The following PI4KA variants were observed in gnomAD, a reference collection of about 807,000 sequenced individuals.
PI4KA encodes the protein PI4-kinase alpha.
Under a neutral mutation model 271.4 loss-of-function variants are expected in PI4KA, and 122 were observed. That is an observed-to-expected ratio of 0.45 (90% CI 0.39 to 0.52). The LOEUF (loss-of-function observed/expected upper bound fraction) is 0.52. Ranked by LOEUF, PI4KA falls within the 20% of genes least tolerant of loss-of-function variation. The pLI, the probability that PI4KA is intolerant of heterozygous loss-of-function variation, is 0.00. For synonymous variants in PI4KA, 1,041 were observed against 1,078.8 expected (o/e 0.96, Z 0.69); for missense variants, 1,969 against 2,769.1 (o/e 0.71, Z 6.48).
intron 23 of PI4KA, among the ~76,000 whole-genome samples, chr22:20,759,481 T>C (rs1368425085): frequency 7.4e-6 from 1 of 135,854 alleles, no homozygotes; most frequent in Non-Finnish European, 1.5e-5. Context: ...TCGGCTCACC[T>C]CAACCTCCGT....
At chr22:20,830,926 C>T (rs1924078166) in intron 3 of PI4KA, among the ~76,000 whole-genome samples, 1 of 152,122 alleles carries the variant, frequency 6.6e-6, no homozygotes, top group Middle Eastern at 3.2e-3. Flanking sequence ...CATCTGCCAC[C>T]ATGCTCAGCT....
Position 20,793,262 on chromosome 22 carries a change from A to G in PI4KA, c.2278-19T>C, listed in dbSNP as rs757744573. 24 of 1,463,510 alleles carry G rather than the reference A, an allele frequency of 1.6e-5. No homozygotes were observed. The South Asian group carries it at 2.7e-4, about 17-fold the overall frequency. 90.7% of individuals were successfully genotyped at this position (1,463,510 alleles called of 1,614,324 possible). ...TAGAAGCCTAGAAAAGAACAGAATT[A>G]TTGTCATTAACGAGTATGTGTTTCT... is the stretch of plus-strand genomic sequence containing the variant. On this transcript the variant is annotated intron_variant, in intron 18 of 54. Transcript: ENST00000255882.
At chr22:20,808,529 G>A (rs1935803590) in intron 9 of PI4KA, among the ~76,000 whole-genome samples, 1 of 149,416 alleles carries the variant, frequency 6.7e-6, no homozygotes, top group South Asian at 2.1e-4. Context: ...GGCGGAGCTT[G>A]CAGTGAGCCA....
At chr22:20,833,199 G>C (rs1293677878) in intron 3 of PI4KA, among the ~76,000 whole-genome samples, 1 of 152,122 alleles carries the variant, frequency 6.6e-6, no homozygotes, top group Admixed American at 6.6e-5. Context: ...CCAACACTGG[G>C]GGGCTGGTAT....
At chr22:20,808,498 C>CAGA (rs362033) in intron 9 of PI4KA, among the ~76,000 whole-genome samples, 73,539 of 148,170 alleles carry the variant, frequency 0.5, 18,734 homozygotes, top group African/African-American at 0.6. Flanking sequence ...GAGGCTGAGG[C>CAGA]AGAATTGCTT....
chr22:20,793,276 G>A, intron 18 of PI4KA, 33 bp from the exon 19 acceptor site: 1 of 1,297,328 alleles, frequency 7.7e-7, no homozygotes, highest in Non-Finnish European at 1.1e-6. Context: ...TCATTAACGA[G>A]TATGTGTTTC....
At chr22:20,732,560 G>A (rs1322153448) in intron 36 of PI4KA, among the ~76,000 whole-genome samples, 1 of 152,226 alleles carries the variant, frequency 6.6e-6, no homozygotes, top group Non-Finnish European at 1.5e-5. Flanking sequence ...TCCCCGAGGA[G>A]TGCTCCCATA....
chr22:20,837,982 G>C (rs1773682909), intron 2 of PI4KA, among the ~76,000 whole-genome samples: 1 of 151,986 alleles, frequency 6.6e-6, no homozygotes, highest in South Asian at 2.1e-4. Context: ...TTAGCCAGGA[G>C]TGGTGGCTGG....
At chr22:20,827,632 G>T (rs1053710349) in intron 3 of PI4KA, among the ~76,000 whole-genome samples, 3 of 152,072 alleles carry the variant, frequency 2.0e-5, no homozygotes, top group Admixed American at 1.3e-4. Context: ...TCCATAAATT[G>T]CTCTGGGTAG....
chr22:20,836,389 C>T (rs1601597015), intron 2 of PI4KA, among the ~76,000 whole-genome samples: 1 of 152,190 alleles, frequency 6.6e-6, no homozygotes, highest in South Asian at 2.1e-4. Context: ...AGTTTTTTCT[C>T]TAAACCATAA....
intron 36 of PI4KA, 113 bp from the exon 37 acceptor site, chr22:20,730,124 T>C: frequency 8.2e-7 from 1 of 1,218,598 alleles, no homozygotes; most frequent in Non-Finnish European, 1.2e-6. Flanking sequence ...GCAGGCATTT[T>C]CTGGAGTCCT....
At chr22:20,774,895 C>T (rs1253360626) in intron 19 of PI4KA, among the ~76,000 whole-genome samples, 1 of 152,068 alleles carries the variant, frequency 6.6e-6, no homozygotes, top group African/African-American at 2.4e-5. Context: ...CACACACACA[C>T]AGATAATGAC....
chr22:20,758,459 C>T (rs797003246), intron 23 of PI4KA, among the ~76,000 whole-genome samples: 315 of 84,678 alleles, frequency 3.7e-3, no homozygotes, highest in African/African-American at 4.1e-3. Flanking sequence ...TCTTTCTTTT[C>T]TTTTTTTTTT....
intron 19 of PI4KA, chr22:20,787,818 A>C (rs1934367205): frequency 6.5e-6 from 1 of 154,958 alleles, no homozygotes; most frequent in South Asian, 2.0e-4. Flanking sequence ...AGAGGAAGTC[A>C]CTTGAGCACC....
chr22:20,784,391 C>A, intron 19 of PI4KA: 1 of 1,134,028 alleles, frequency 8.8e-7, no homozygotes, highest in Non-Finnish European at 1.3e-6. Flanking sequence ...GTTAATTCAG[C>A]CCCAATTTGT....
intron 1 of PI4KA, among the ~76,000 whole-genome samples, chr22:20,839,267 G>A (rs1569090534): frequency 6.6e-6 from 1 of 152,110 alleles, no homozygotes; most frequent in African/African-American, 2.4e-5. Context: ...AAGAGTCCAT[G>A]TAACCAATAA....
chr22:20,766,638 C>A (rs1027653603), intron 19 of PI4KA, among the ~76,000 whole-genome samples: 6 of 152,206 alleles, frequency 3.9e-5, no homozygotes, highest in African/African-American at 1.2e-4. Flanking sequence ...GCACTCCAGC[C>A]TGGGCAACAA....
intron 7 of PI4KA, 52 bp downstream of exon 7, chr22:20,818,431 G>A: frequency 7.3e-7 from 1 of 1,375,298 alleles, no homozygotes; most frequent in Non-Finnish European, 1.0e-6. Context: ...GTCACTGTGA[G>A]CCTGTTCTCC....
intron 19 of PI4KA, chr22:20,779,353 T>A: frequency 6.2e-7 from 1 of 1,614,188 alleles, no homozygotes; most frequent in Non-Finnish European, 8.5e-7. Flanking sequence ...TTCCTCATCA[T>A]AACATCTGCG....
Sources: allele counts gnomAD v4.1 joint callset (sites outside exome capture counted in the v4.1 genomes callset), GRCh38; gene constraint gnomAD v4.1.1; transcripts MANE v1.5; gene names NCBI Gene and HGNC (gene_info 2026-07-23, HGNC 2026-07-21).